Variants in CSMD1 observed in about 807,000 individuals in gnomAD.
The protein encoded by CSMD1 is CUB and Sushi multiple domains 1.
CSMD1 carries 213 observed loss-of-function variants against 417.5 expected under a neutral mutation model. The observed-to-expected ratio is 0.51, with a 90% CI of 0.46 to 0.57. The LOEUF (loss-of-function observed/expected upper bound fraction) is 0.57, where lower values mean the gene tolerates loss of function less well. Among genes scored for constraint, CSMD1 ranks in the 20% least tolerant of loss-of-function variants. The pLI is 0.00. For synonymous variants in CSMD1, 2,862 were observed against 1,736.8 expected (o/e 1.65, Z -16.11); for missense variants, 6,923 against 4,529.7 (o/e 1.53, Z -15.17).
intron 5 of CSMD1, among the ~76,000 whole-genome samples, chr8:3,808,379 G>C (rs1047514345): frequency 1.2e-4 from 19 of 152,094 alleles, no homozygotes; most frequent in African/African-American, 3.9e-4. Flanking sequence ...GACTGACTGT[G>C]ATAATGACAA....
chr8:4,330,476 G>A (rs1271631864), intron 3 of CSMD1, among the ~76,000 whole-genome samples: 2 of 151,724 alleles, frequency 1.3e-5, no homozygotes, highest in African/African-American at 4.8e-5. Flanking sequence ...TGTAAACCCA[G>A]CTACTTAGGA....
At chr8:4,403,374 C>A (rs928302635) in intron 3 of CSMD1, among the ~76,000 whole-genome samples, 1 of 152,148 alleles carries the variant, frequency 6.6e-6, no homozygotes, top group African/African-American at 2.4e-5. Flanking sequence ...TACTTGACCT[C>A]TCTAACTTCT....
At chr8:4,730,445 A>G (rs1163488354) in intron 1 of CSMD1, among the ~76,000 whole-genome samples, 2 of 152,172 alleles carry the variant, frequency 1.3e-5, no homozygotes, top group Non-Finnish European at 2.9e-5. Flanking sequence ...ATCAGATTTA[A>G]GAATAAAGAA....
intron 3 of CSMD1, among the ~76,000 whole-genome samples, chr8:4,352,243 G>A (rs1473435298): frequency 2.0e-5 from 3 of 152,120 alleles, no homozygotes; most frequent in Non-Finnish European, 4.4e-5. Flanking sequence ...ACCAACATAA[G>A]GTTCTAAATG....
intron 5 of CSMD1, among the ~76,000 whole-genome samples, chr8:3,989,259 C>G (rs917968956): frequency 1.3e-5 from 2 of 152,214 alleles, no homozygotes; most frequent in Non-Finnish European, 2.9e-5. Flanking sequence ...CAAACCTGCT[C>G]TACGTCATCA....
intron 5 of CSMD1, among the ~76,000 whole-genome samples, chr8:3,884,784 C>G (rs1019703198): frequency 6.6e-6 from 1 of 151,978 alleles, no homozygotes; most frequent in Admixed American, 6.6e-5. Context: ...GTATTCACCT[C>G]TATTGTGTAC....
intron 1 of CSMD1, among the ~76,000 whole-genome samples, chr8:4,925,808 A>G (rs1486417364): frequency 6.6e-6 from 1 of 152,044 alleles, no homozygotes; most frequent in Admixed American, 6.5e-5. Context: ...CGGCCTCCCA[A>G]AGTGTTGGGA....
At chr8:3,463,165 A>T (rs910888889) in intron 12 of CSMD1, among the ~76,000 whole-genome samples, 1 of 152,148 alleles carries the variant, frequency 6.6e-6, no homozygotes, top group Non-Finnish European at 1.5e-5. Context: ...GAATGAACTA[A>T]CTGTGCACCT....
At chr8:4,933,842 AC>A (rs1275348682) in intron 1 of CSMD1, among the ~76,000 whole-genome samples, 9 of 152,286 alleles carry the variant, frequency 5.9e-5, no homozygotes, top group African/African-American at 1.7e-4. Context: ...AAAAATTTGT[AC>A]TATAGATATT....
intron 5 of CSMD1, among the ~76,000 whole-genome samples, chr8:3,870,237 G>A (rs1199756917): frequency 1.3e-5 from 2 of 152,106 alleles, no homozygotes; most frequent in Non-Finnish European, 2.9e-5. Flanking sequence ...AAAATTAATA[G>A]TACACTGAAA....
intron 3 of CSMD1, among the ~76,000 whole-genome samples, chr8:4,256,815 C>G (rs777704275): frequency 1.3e-5 from 2 of 152,110 alleles, no homozygotes; most frequent in African/African-American, 4.8e-5. Context: ...GGCATAAAGT[C>G]GAGTTATGAG....
At chr8:2,964,366 C>A (rs549028821) in intron 59 of CSMD1, among the ~76,000 whole-genome samples, 30 of 152,300 alleles carry the variant, frequency 2.0e-4, no homozygotes, top group African/African-American at 6.7e-4. Context: ...GACCCCACAG[C>A]GAGGGCTGGG....
At chr8:4,978,809 G>T (rs1028775498) in intron 1 of CSMD1, among the ~76,000 whole-genome samples, 2 of 152,118 alleles carry the variant, frequency 1.3e-5, no homozygotes, top group African/African-American at 2.4e-5. Context: ...ATGGTGGCAG[G>T]TGCCTGTAAT....
rs935185315 is a variant in CSMD1, at chr8:3,465,968, G to T, written c.1561+2744C>A. ...GGCTCAGCTAGAAGCTGGAGAGAAG[G>T]GGTGCTTACAATTCATCTAAACACC... On this transcript the variant is annotated intron_variant, in intron 12 of 69. Transcript: ENST00000635120. Among the ~76,000 whole-genome samples the T allele has an allele frequency of 2.0e-5, 3 of 152,122 alleles. No homozygotes were observed. In the Middle Eastern group the frequency reaches 0.01, roughly 521 times the overall value.
At chr8:3,704,062 C>A (rs895265336) in intron 7 of CSMD1, among the ~76,000 whole-genome samples, 1 of 152,144 alleles carries the variant, frequency 6.6e-6, no homozygotes, top group East Asian at 1.9e-4. Flanking sequence ...CAGAGTGAAA[C>A]TCCATCTCAA....
At chr8:4,535,418 A>G (rs1797054012) in intron 2 of CSMD1, among the ~76,000 whole-genome samples, 1 of 152,114 alleles carries the variant, frequency 6.6e-6, no homozygotes, top group South Asian at 2.1e-4. Context: ...AATAGAATTC[A>G]TTTGCTTATC....
chr8:3,460,318 C>T (rs1013735457), intron 12 of CSMD1, among the ~76,000 whole-genome samples: 3 of 152,202 alleles, frequency 2.0e-5, no homozygotes, highest in Non-Finnish European at 1.5e-5. Flanking sequence ...ATTTGAAGAT[C>T]AGGAAGTTCC....
chr8:4,403,385 C>G (rs530557214), intron 3 of CSMD1, among the ~76,000 whole-genome samples: 10 of 152,250 alleles, frequency 6.6e-5, no homozygotes, highest in Middle Eastern at 3.4e-3. Flanking sequence ...TCTAACTTCT[C>G]TCATCTAATT....
At chr8:4,385,567 G>A (rs1203004298) in intron 3 of CSMD1, among the ~76,000 whole-genome samples, 4 of 152,118 alleles carry the variant, frequency 2.6e-5, no homozygotes, top group African/African-American at 9.7e-5. Context: ...TTACTACAGT[G>A]TATTGTTTTT....
Sources: gnomAD v4.1 joint callset for allele counts (sites outside exome capture counted in the v4.1 genomes callset) on GRCh38, gnomAD v4.1.1 for gene constraint, MANE v1.5 for transcripts, NCBI Gene and HGNC (gene_info 2026-07-23, HGNC 2026-07-21) for gene names.